ITGB6: variants seen among roughly 807,000 people sequenced by gnomAD.
ITGB6 encodes the protein integrin beta-6.
In ITGB6, 80 loss-of-function variants were observed where a neutral mutation model predicts 84.5. That is an observed-to-expected ratio of 0.95 (90% confidence interval 0.79 to 1.14). The LOEUF is 1.14. Ranked by LOEUF, ITGB6 falls within the 50% of genes most tolerant of loss-of-function variation. The pLI, the probability that ITGB6 is intolerant of heterozygous loss-of-function variation, is 0.00. For synonymous variants in ITGB6, 383 were observed against 354.9 expected, an observed-to-expected ratio of 1.08 and a Z score of -0.89; for missense variants, 1,006 against 968.0, an observed-to-expected ratio of 1.04 and a Z score of -0.52.
intron 10 of ITGB6, among the ~76,000 whole-genome samples, chr2:160,132,774 A>G (rs1440532935): frequency 6.6e-6 from 1 of 152,184 alleles, no homozygotes; most frequent in African/African-American, 2.4e-5. Context: ...TATACAATAT[A>G]TCGTTAAACT....
At chr2:160,147,688 T>C (rs147818476) in intron 7 of ITGB6, among the ~76,000 whole-genome samples, 23 of 152,300 alleles carry the variant, frequency 1.5e-4, no homozygotes, top group African/African-American at 5.3e-4. Context: ...TATAGTCAAC[T>C]GATCCTTGAC....
At chr2:160,198,209 A>G (rs1686417132) in intron 2 of ITGB6, among the ~76,000 whole-genome samples, 1 of 152,180 alleles carries the variant, frequency 6.6e-6, no homozygotes, top group African/African-American at 2.4e-5. Context: ...AAAAAAGCAT[A>G]ATTCTCTTGA....
At chr2:160,144,088 G>T (rs1684098575) in intron 7 of ITGB6, among the ~76,000 whole-genome samples, 1 of 152,132 alleles carries the variant, frequency 6.6e-6, no homozygotes, top group Non-Finnish European at 1.5e-5. Flanking sequence ...GCCCAGGCTG[G>T]AGTGCAGTGG....
intron 10 of ITGB6, among the ~76,000 whole-genome samples, chr2:160,134,167 TAAAG>T (rs1367663230): frequency 6.6e-6 from 1 of 151,658 alleles, no homozygotes; most frequent in Non-Finnish European, 1.5e-5. Flanking sequence ...GCAAGACTAA[TAAAG>T]AAGAAAAGAG....
intron 1 of ITGB6, 23 bp downstream of exon 1, chr2:160,199,980 A>G (rs1270018609): frequency 3.4e-5 from 54 of 1,584,248 alleles, no homozygotes; most frequent in Non-Finnish European, 4.6e-5. Flanking sequence ...CGAAAGTAAT[A>G]TATCAGAGAA....
intron 4 of ITGB6, among the ~76,000 whole-genome samples, chr2:160,177,549 C>A (rs1051855569): frequency 1.1e-4 from 16 of 149,880 alleles, no homozygotes; most frequent in African/African-American, 1.7e-4. Flanking sequence ...CCAGCCTGGG[C>A]GATAGAGCAA....
At chr2:160,193,431 A>G (rs1200585528) in intron 4 of ITGB6, among the ~76,000 whole-genome samples, 1 of 152,236 alleles carries the variant, frequency 6.6e-6, no homozygotes, top group Non-Finnish European at 1.5e-5. Flanking sequence ...AGGCAAAACC[A>G]ATATAAATTA....
intron 7 of ITGB6, among the ~76,000 whole-genome samples, chr2:160,156,790 T>G (rs1457483040): frequency 6.6e-6 from 1 of 152,184 alleles, no homozygotes; most frequent in African/African-American, 2.4e-5. Flanking sequence ...TACACTCATA[T>G]CCTCTTTCCT....
intron 13 of ITGB6, 40 bp from the exon 14 acceptor site, chr2:160,107,885 A>G (rs1253255970): frequency 1.2e-5 from 18 of 1,527,888 alleles, no homozygotes; most frequent in Admixed American, 5.5e-5. Context: ...TGGTAAAATC[A>G]ACATTTTGAC....
At chr2:160,121,374 C>A (rs1683031760) in intron 12 of ITGB6, among the ~76,000 whole-genome samples, 1 of 152,176 alleles carries the variant, frequency 6.6e-6, no homozygotes, top group African/African-American at 2.4e-5. Context: ...TTTCCTATTT[C>A]TAAGATTTAC....
At chr2:160,197,965 A>G (rs913896168) in intron 2 of ITGB6, among the ~76,000 whole-genome samples, 16 of 152,238 alleles carry the variant, frequency 1.1e-4, no homozygotes, top group Non-Finnish European at 1.5e-4. Context: ...TGGTTTTACA[A>G]TTTGACAACA....
intron 10 of ITGB6, among the ~76,000 whole-genome samples, chr2:160,136,565 G>C (rs1683733602): frequency 6.6e-6 from 1 of 152,174 alleles, no homozygotes; most frequent in African/African-American, 2.4e-5. Context: ...ATACCCAAAG[G>C]ATTAGAAACC....
chr2:160,138,885 T>A (rs1274431266), intron 8 of ITGB6, among the ~76,000 whole-genome samples: 1 of 152,226 alleles, frequency 6.6e-6, no homozygotes, highest in Non-Finnish European at 1.5e-5. Context: ...ATGCCTCTAA[T>A]GAATTGAAGT....
chr2:160,173,709 C>T (rs1433183821), intron 5 of ITGB6, among the ~76,000 whole-genome samples: 1 of 151,962 alleles, frequency 6.6e-6, no homozygotes, highest in Non-Finnish European at 1.5e-5. Flanking sequence ...CTTTGAAAAT[C>T]AATCATGCAT....
chr2:160,136,734 A>C (rs1252297742), intron 10 of ITGB6, among the ~76,000 whole-genome samples: 1 of 152,218 alleles, frequency 6.6e-6, no homozygotes, highest in African/African-American at 2.4e-5. Context: ...AAAAATGATG[A>C]GTTCATGTCA....
intron 4 of ITGB6, among the ~76,000 whole-genome samples, chr2:160,184,355 A>G (rs1001187096): frequency 1.3e-5 from 2 of 152,236 alleles, no homozygotes; most frequent in African/African-American, 2.4e-5. Context: ...AAACACCTCT[A>G]TGCAAATAAA....
At chr2:160,141,072 CT>C (rs796824242) in intron 8 of ITGB6, among the ~76,000 whole-genome samples, 23 of 150,808 alleles carry the variant, frequency 1.5e-4, no homozygotes, top group South Asian at 4.2e-4. Flanking sequence ...ACAGATGGGC[CT>C]TTTTTTTTGT....
chr2:160,137,569 G>A lies in ITGB6; in HGVS notation c.1525C>T (p.Pro509Ser). Reference protein sequence around the residue: ...TDSCKEAPDHPSCSGRGDCYC... With the variant: ...TDSCKEAPDHSSCSGRGDCYC... ...CAGTCACCCCTTCCGCTGCAGGAGG[G>A]ATGATCTGGGGCCTCCTTGCAGGAA... is the stretch of plus-strand genomic sequence containing the variant. The change falls in exon 10 of 15, where the codon CCC (proline) becomes TCC (serine). Residue 509 changes from proline to serine, a missense_variant. Coordinates refer to ENST00000283249, the MANE Select transcript of ITGB6 (RefSeq NM_000888.5). 1.9e-6 allele frequency: 3 copies of A among 1,614,232 alleles called. No homozygotes were observed. The highest frequency in any genetic ancestry group is 1.1e-5 in the South Asian group (1 of 91,090).
At chr2:160,194,106 G>A (rs1294578834) in intron 4 of ITGB6, among the ~76,000 whole-genome samples, 1 of 152,104 alleles carries the variant, frequency 6.6e-6, no homozygotes, top group African/African-American at 2.4e-5. Context: ...ACAGTGAGCC[G>A]AGATCATGCC....
Sources: gnomAD v4.1 joint callset for allele counts (sites outside exome capture counted in the v4.1 genomes callset) on GRCh38, gnomAD v4.1.1 for gene constraint, MANE v1.5 for transcripts, NCBI Gene and HGNC (gene_info 2026-07-23, HGNC 2026-07-21) for gene names.